Variants in RTP2 observed in about 807,000 individuals in gnomAD.
RTP2 encodes the protein receptor-transporting protein 2.
In RTP2, 12 loss-of-function variants were observed where a neutral mutation model predicts 17.9. The ratio of observed to expected loss-of-function variants is 0.67; its 90% CI spans 0.43 to 1.09. The LOEUF (loss-of-function observed/expected upper bound fraction) is 1.09, where lower values mean the gene tolerates loss of function less well. RTP2 is among the 50% of genes least tolerant of loss of function. RTP2 has a pLI of 0.00. For synonymous variants in RTP2, 126 were observed against 117.7 expected, an observed-to-expected ratio of 1.07 and a Z score of -0.46; for missense variants, 327 against 295.7, an observed-to-expected ratio of 1.11 and a Z score of -0.78.
the RTP2 span, among the ~76,000 whole-genome samples, chr3:187,710,376 C>CAT: frequency 0.12 from 17,543 of 142,660 alleles, 1,217 homozygotes; most frequent in Non-Finnish European, 0.17. Context: ...CCTAAATATC[C>CAT]ATATATATAT....
chr3:187,702,144 G>A, exon 1 of RTP2: 3 of 1,587,562 alleles, frequency 1.9e-6, no homozygotes, highest in Non-Finnish European at 2.6e-6. Flanking sequence ...TGCTGGCAGA[G>A]GTGGCAGTTC....
chr3:187,699,053 A>AGAGAAGCCTGCCCT, intron 1 of RTP2, 42 bp from the exon 2 acceptor site: 1 of 1,540,972 alleles, frequency 6.5e-7, no homozygotes, highest in Non-Finnish European at 8.8e-7. Flanking sequence ...TGGGCATCCC[A>AGAGAAGCCTGCCCT]GAGAAGCCTG....
Position 187,699,764 on chromosome 3 carries a change from CACACACACACACACACACAT to C in RTP2, c.165-773_165-754del, listed in dbSNP as rs770917271. On this transcript the variant is annotated intron_variant, in intron 1 of 1. Coordinates refer to ENST00000358241, the Ensembl canonical transcript of RTP2. ...ACACACACACACACACACACACACA[CACACACACACACACACACAT>C]ATATTTTCTCTCTCTCTCTTACATG... 5.6e-3 allele frequency among the ~76,000 whole-genome samples: 301 copies of C among 54,196 alleles called. 4 individuals carry two copies. The highest frequency in any genetic ancestry group is 0.024 in the African/African-American group (210 of 8,934). The allele number at this position is 54,196 out of a possible 152,430, so 35.6% of individuals were successfully genotyped here. A position where few individuals can be genotyped will look rare whatever the true frequency, so the allele number is the denominator to read the frequency against.
intron 1 of RTP2, among the ~76,000 whole-genome samples, chr3:187,701,066 C>T (rs978704621): frequency 1.3e-5 from 2 of 152,310 alleles, no homozygotes; most frequent in African/African-American, 4.8e-5. Flanking sequence ...CATGTTCTGG[C>T]TACATCTCCA....
At chr3:187,701,033 G>A (rs1257299753) in intron 1 of RTP2, among the ~76,000 whole-genome samples, 3 of 152,102 alleles carry the variant, frequency 2.0e-5, no homozygotes, top group Non-Finnish European at 2.9e-5. Context: ...ACACATACAC[G>A]TGAACAACCC....
At chr3:187,699,866 T>G (rs1880095) in intron 1 of RTP2, among the ~76,000 whole-genome samples, 141,060 of 151,872 alleles carry the variant, frequency 0.93, 65,858 homozygotes, top group East Asian at 1. Context: ...CAGGAAGTGT[T>G]GTGGGTGGTA....
At chr3:187,710,462 G>T in the RTP2 span, among the ~76,000 whole-genome samples, 73,916 of 146,572 alleles carry the variant, frequency 0.5, 22,014 homozygotes, top group East Asian at 0.76. Flanking sequence ...CTATCTTATT[G>T]GTTCTGTTTC....
chr3:187,711,921 T>C, the RTP2 span, among the ~76,000 whole-genome samples: 22 of 152,342 alleles, frequency 1.4e-4, no homozygotes, highest in Non-Finnish European at 3.1e-4. Flanking sequence ...TTATAGAACA[T>C]TCTCAAAAAG....
chr3:187,702,598 G>A (rs1717883097), upstream of RTP2: 2 of 456,612 alleles, frequency 4.4e-6, no homozygotes, highest in East Asian at 6.9e-5. Context: ...GGCAGAGCCT[G>A]CTGCTTCCAC....
chr3:187,701,769 G>C (rs1161172664), intron 1 of RTP2, among the ~76,000 whole-genome samples, 196 bp downstream of exon 1: 1 of 152,096 alleles, frequency 6.6e-6, no homozygotes, highest in Non-Finnish European at 1.5e-5. Flanking sequence ...ACTTTCTCAG[G>C]GTCACCCAGG....
At chr3:187,699,160 G>T (rs2108541159) in intron 1 of RTP2, 149 bp from the exon 2 acceptor site, 1 of 1,006,068 alleles carries the variant, frequency 9.9e-7, no homozygotes, top group South Asian at 1.8e-5. Context: ...GCACTCCAAG[G>T]CCGGCCTGCT....
chr3:187,709,558 C>A, the RTP2 span, among the ~76,000 whole-genome samples: 1 of 151,982 alleles, frequency 6.6e-6, no homozygotes, highest in Non-Finnish European at 1.5e-5. Flanking sequence ...GGTGGTATGC[C>A]CTTGTAATCC....
rs773097914 is a variant in RTP2 at position 187,698,543 on chromosome 3, G to A, written c.633C>T (p.Leu211=). The change falls in exon 2 of 2, where the codon CTC becomes CTT. Residue 211 remains leucine (L), a synonymous_variant. Transcript: ENST00000358241. The stretch of plus-strand genomic sequence containing the variant: ...GGAAGGAGAACTGCAGGTAAACAAC[G>A]AGCAGGCAGAGAGAGGCCCAGAAGA... The A allele has an allele frequency of 1.9e-6, 3 of 1,613,816 alleles. No individual in the cohort carries two copies. The African/African-American group carries it at 4.0e-5, about 22-fold the overall frequency.
the RTP2 span, among the ~76,000 whole-genome samples, chr3:187,715,071 G>T: frequency 6.6e-6 from 1 of 152,094 alleles, no homozygotes; most frequent in Admixed American, 6.5e-5. Flanking sequence ...ACAACCCTCC[G>T]CAAATGGCCC....
chr3:187,711,244 GCT>G, the RTP2 span, among the ~76,000 whole-genome samples: 1 of 152,156 alleles, frequency 6.6e-6, no homozygotes, highest in Non-Finnish European at 1.5e-5. Flanking sequence ...GTCAGGTGAG[GCT>G]CTGAGGCTGT....
chr3:187,714,859 C>A, the RTP2 span, among the ~76,000 whole-genome samples: 2 of 151,960 alleles, frequency 1.3e-5, no homozygotes, highest in Non-Finnish European at 2.9e-5. Context: ...TGAGCTTCTC[C>A]ATGTGACTGA....
In RTP2 at chr3:187,698,993, G is replaced by A. The variant is rs1717773697; in HGVS notation, c.183C>T (p.Cys61=). The A allele has an allele frequency of 1.9e-6, 3 of 1,587,502 alleles. No homozygotes were observed. The East Asian group carries it at 6.8e-5, about 36-fold the overall frequency. ...CATGGGCAGACTGCCAGGTGTGCCA[G>A]CACCAGGAGCAGTGGAACCTGCCGG... is the stretch of plus-strand genomic sequence containing the variant. Residue 61 remains cysteine (C), a synonymous_variant, in exon 2 of 2, where the codon TGC becomes TGT. Transcript: ENST00000358241.
chr3:187,700,575 T>C (rs915377062), intron 1 of RTP2, among the ~76,000 whole-genome samples: 6 of 152,212 alleles, frequency 3.9e-5, no homozygotes, highest in Non-Finnish European at 1.5e-5. Context: ...CACCAGGCAG[T>C]TCAAATGCTT....
chr3:187,698,747 G>C (rs1206557893), exon 2 of RTP2: 2 of 1,613,924 alleles, frequency 1.2e-6, no homozygotes, highest in South Asian at 2.2e-5. Context: ...TGTCCGGGCG[G>C]CTGGCCACGT....
Sources: allele counts gnomAD v4.1 joint callset (sites outside exome capture counted in the v4.1 genomes callset), GRCh38; gene constraint gnomAD v4.1.1; transcripts MANE v1.5; gene names NCBI Gene and HGNC (gene_info 2026-07-23, HGNC 2026-07-21).